LAMC3: variants seen among roughly 807,000 people sequenced by gnomAD.
LAMC3 encodes laminin subunit gamma 3.
In LAMC3, 128 loss-of-function variants were observed where a neutral mutation model predicts 173.8. The observed-to-expected ratio is 0.74, with a 90% CI of 0.64 to 0.85. LAMC3 has a LOEUF of 0.85. Ranked by LOEUF, LAMC3 falls within the 40% of genes least tolerant of loss-of-function variation. LAMC3 has a pLI of 0.00. For synonymous variants in LAMC3, 897 were observed against 909.1 expected (o/e 0.99, Z 0.24); for missense variants, 2,022 against 2,156.0 (o/e 0.94, Z 1.23).
chr9:131,036,990 TCA>T (rs1833958038), intron 4 of LAMC3, among the ~76,000 whole-genome samples: 1 of 152,218 alleles, frequency 6.6e-6, no homozygotes, highest in Admixed American at 6.5e-5. Flanking sequence ...ACATCTTCAC[TCA>T]CAGGCTCGCT....
At chr9:131,051,491 G>T (rs1834285884) in intron 9 of LAMC3, among the ~76,000 whole-genome samples, 1 of 151,358 alleles carries the variant, frequency 6.6e-6, no homozygotes, top group Admixed American at 6.6e-5. Flanking sequence ...AGCCTCCTGA[G>T]TAGCTGGGAT....
Position 131,009,275 on chromosome 9 carries a change from G to C in LAMC3, c.61G>C (p.Gly21Arg). Residue 21 changes from glycine (G) to arginine (R), a missense_variant, in exon 1 of 28, where the codon GGC becomes CGC. Transcript: ENST00000361069. The surrounding 1 kb of genome is among the most constrained non-coding windows in gnomAD (Gnocchi z 4.3). ...GCTGGCACCGCGGGCGGCCGGCGCG[G>C]GCATGGGCGCGTGCTATGACGGCGC... ...ALLAPRAAGAGMGACYDGAGR... is the reference protein window; with the variant it reads ...ALLAPRAAGARMGACYDGAGR... The C allele has an allele frequency of 2.2e-6, 3 of 1,366,816 alleles. No individual in the cohort carries two copies. Among genetic ancestry groups the C allele is most frequent in the Non-Finnish European group, 2.8e-6 (3 of 1,064,832 alleles). 84.7% of individuals were successfully genotyped at this position (1,366,816 alleles called of 1,614,324 possible).
chr9:131,041,824 C>CA, intron 7 of LAMC3, 89 bp downstream of exon 7: 1 of 1,125,116 alleles, frequency 8.9e-7, no homozygotes, highest in East Asian at 2.5e-5. Flanking sequence ...CGGGGAGGAG[C>CA]AAGGGGCACG....
chr9:131,012,406 C>T (rs936727441), intron 1 of LAMC3, among the ~76,000 whole-genome samples: 50 of 152,200 alleles, frequency 3.3e-4, no homozygotes, highest in Non-Finnish European at 1.0e-4. Flanking sequence ...TTCATGAGCC[C>T]GGGTCGGAGC....
In LAMC3 at chr9:131,087,871, A is replaced by G. The variant is rs1284486784; in HGVS notation, c.4477+54A>G. ...ACCCCTGGGTCCCTGGGGCACCTCTAGGATCTTCCTGTGAGCTCCAGTCCT... is the reference window on the plus strand; with the variant it reads ...ACCCCTGGGTCCCTGGGGCACCTCTGGGATCTTCCTGTGAGCTCCAGTCCT... On this transcript the variant is annotated intron_variant, in intron 27 of 27. Transcript: ENST00000361069. The G allele has an allele frequency of 1.3e-4, 181 of 1,410,768 alleles. 1 individual carries two copies. The highest frequency in any genetic ancestry group is 1.8e-4 in the Middle Eastern group (1 of 5,620). The allele number at this position is 1,410,768 out of a possible 1,614,324, so 87.4% of individuals were successfully genotyped here.
chr9:131,085,465 TG>T, intron 24 of LAMC3, 58 bp from the exon 25 acceptor site: 2 of 1,590,836 alleles, frequency 1.3e-6, no homozygotes, highest in South Asian at 2.2e-5. Flanking sequence ...AGCGGCTGCC[TG>T]GGAGGCACCG....
Position 131,091,602 on chromosome 9 carries a change from C to T in LAMC3, c.4543C>T (p.Leu1515=). The T allele has an allele frequency of 6.3e-7, 1 of 1,593,806 alleles. No homozygotes were observed. Among genetic ancestry groups the T allele is most frequent in the Non-Finnish European group, 8.5e-7 (1 of 1,170,432 alleles). ...LNETQWALER[L]RLQLGSPGSL... is the part of the protein sequence containing the mutation. The stretch of plus-strand genomic sequence containing the variant: ...CGAGACTCAGTGGGCACTAGAACGC[C>T]TGAGGCTGCAGCTGGGCTCCCCGGG... The change falls in exon 28 of 28, where the codon CTG becomes TTG. Residue 1515 remains leucine (L), a synonymous_variant. Transcript: ENST00000361069.
At chr9:131,055,130 T>G (rs987304007) in intron 11 of LAMC3, among the ~76,000 whole-genome samples, 2 of 152,136 alleles carry the variant, frequency 1.3e-5, no homozygotes, top group African/African-American at 4.8e-5. Context: ...CCAGTATAAG[T>G]GTCGCTTTAG....
chr9:131,085,403 T>G, intron 24 of LAMC3, 121 bp from the exon 25 acceptor site: 3 of 969,158 alleles, frequency 3.1e-6, no homozygotes, highest in South Asian at 1.3e-5. Context: ...TGCATGCACT[T>G]CAGACCTCCA....
intron 4 of LAMC3, 43 bp downstream of exon 4, chr9:131,036,375 G>C (rs1456801893): frequency 6.2e-7 from 1 of 1,610,466 alleles, no homozygotes; most frequent in South Asian, 1.1e-5. Context: ...CCCGAGGCTG[G>C]TGTTGCAGGC....
Position 131,092,074 on chromosome 9 carries a change from C to T in LAMC3, c.*287C>T, listed in dbSNP as rs1036176336. ...TCAATAACATACACACGTGAGGGTG[C>T]ATGTCTGTGTGTATGACCCACACGT... On this transcript the variant is annotated 3_prime_UTR_variant, in exon 28 of 28. Transcript: ENST00000361069. 1 of 503,508 alleles carries T rather than the reference C, an allele frequency of 2.0e-6. No individual in the cohort carries two copies. Among genetic ancestry groups the T allele is most frequent in the South Asian group, 2.1e-5 (1 of 48,598 alleles). 31.2% of individuals were successfully genotyped at this position (503,508 alleles called of 1,614,324 possible). A position where few individuals can be genotyped will look rare whatever the true frequency, so the allele number is the denominator to read the frequency against.
chr9:131,015,370 A>G (rs1833501735), intron 1 of LAMC3, among the ~76,000 whole-genome samples: 1 of 152,018 alleles, frequency 6.6e-6, no homozygotes, highest in South Asian at 2.1e-4. Flanking sequence ...TCCCTTGCCC[A>G]GGCTTCAGCT....
intron 24 of LAMC3, among the ~76,000 whole-genome samples, chr9:131,083,446 A>G (rs753643313): frequency 2.2e-4 from 34 of 152,158 alleles, no homozygotes; most frequent in Non-Finnish European, 4.6e-4. Context: ...TAAAAGGAAA[A>G]TTCACAAGGT....
chr9:131,048,959 A>T, intron 8 of LAMC3, 61 bp from the exon 9 acceptor site: 1 of 1,071,684 alleles, frequency 9.3e-7, no homozygotes, highest in Non-Finnish European at 1.4e-6. Context: ...TGGGGCTGGC[A>T]CCTGGAGACC....
chr9:131,063,175 C>T (rs1294307649), intron 13 of LAMC3, among the ~76,000 whole-genome samples: 1 of 151,742 alleles, frequency 6.6e-6, no homozygotes, highest in Non-Finnish European at 1.5e-5. Flanking sequence ...GCCAACAGGG[C>T]AGGGCAGATG....
chr9:131,073,856 G>A (rs116651817), intron 20 of LAMC3, among the ~76,000 whole-genome samples: 2,552 of 152,002 alleles, frequency 0.017, 62 homozygotes, highest in African/African-American at 0.058. Flanking sequence ...TGCCTATTCT[G>A]GGTGTTTCAT....
At position 131,072,736 on chromosome 9, in the gene LAMC3, C is replaced by T. The variant is rs145564934; in HGVS notation, c.3318C>T (p.Ala1106=). 5.8e-5 allele frequency: 93 copies of T among 1,612,666 alleles called. No individual in the cohort carries two copies. In the African/African-American group the frequency reaches 6.3e-4, roughly 11 times the overall value. The part of the protein sequence containing the change: ...RLNKGARCAQ[A]GSQKTCTQLA... ...ACAAGGGTGCCCGCTGTGCCCAGGCCGGATCCCAGAAGACCTGCACCCAGC... is the reference window on the plus strand; with the variant it reads ...ACAAGGGTGCCCGCTGTGCCCAGGCTGGATCCCAGAAGACCTGCACCCAGC... Residue 1106 remains alanine (A), a synonymous_variant, in exon 19 of 28, where the codon GCC becomes GCT. Transcript: ENST00000361069.
rs186416459 is a variant in LAMC3, at chr9:131,023,794, A to G, written c.374-2491A>G. ...ATTTTTTATATTTTTTGTAGAGATG[A>G]GGTTTCGTCATGTTGCCCTGGCTAG... is the stretch of plus-strand genomic sequence containing the variant. On this transcript the variant is annotated intron_variant, in intron 1 of 27. Coordinates refer to ENST00000361069, the MANE Select transcript of LAMC3 (RefSeq NM_006059.4). Among the ~76,000 whole-genome samples, 726 of 152,100 alleles carry G rather than the reference A, an allele frequency of 4.8e-3. 6 individuals carry two copies. The highest frequency in any genetic ancestry group is 0.017 in the African/African-American group (702 of 41,504).
intron 13 of LAMC3, among the ~76,000 whole-genome samples, chr9:131,065,912 T>G (rs1829924539): frequency 6.7e-6 from 1 of 148,604 alleles, no homozygotes; most frequent in Non-Finnish European, 1.5e-5. Context: ...AAGATGATGG[T>G]CAGGATGATG....
Sources: gnomAD v4.1 joint callset for allele counts (sites outside exome capture counted in the v4.1 genomes callset) on GRCh38, gnomAD v4.1.1 for gene constraint, Gnocchi (gnomAD v3.1) non-coding constraint, MANE v1.5 for transcripts, NCBI Gene and HGNC (gene_info 2026-07-23, HGNC 2026-07-21) for gene names.